Variants in PRDM1 observed in about 807,000 individuals in gnomAD.
The protein encoded by PRDM1 is PR/SET domain 1, also known as PR domain zinc finger protein 1.
In PRDM1, 13 loss-of-function variants were observed where a neutral mutation model predicts 62.8. The observed-to-expected ratio is 0.21, with a 90% CI of 0.13 to 0.33. The LOEUF (loss-of-function observed/expected upper bound fraction) is 0.33, where lower values mean the gene tolerates loss of function less well. PRDM1 is among the 10% of genes least tolerant of loss of function. The pLI is 1.00. For synonymous variants in PRDM1, 396 were observed against 417.6 expected (o/e 0.95, Z 0.63); for missense variants, 895 against 1,058.8 (o/e 0.85, Z 2.15).
rs143475302 is a variant in PRDM1, at chr6:106,105,294, C to T, written c.1134C>T (p.Asn378=). ...ACCGGGACTCCTACGCTTACTTGAA[C>T]GCGTCCTACGGCACGGAAGGTTTGG... The part of the protein sequence containing the change: ...QEHRDSYAYL[N]ASYGTEGLGS... The change falls in exon 5 of 7, where the codon AAC becomes AAT. Residue 378 remains asparagine, a synonymous_variant. Transcript: ENST00000369096. 1.4e-4 allele frequency: 228 copies of T among 1,613,546 alleles called. 1 individual carries two copies. In the African/African-American group the frequency reaches 2.1e-3, roughly 15 times the overall value.
chr6:105,994,678 G>C lies in PRDM1; in HGVS notation c.-67+1039G>C, dbSNP rs1445882809. Among the ~76,000 whole-genome samples, 2 of 152,176 alleles carry C rather than the reference G, an allele frequency of 1.3e-5. No individual in the cohort carries two copies. The highest frequency in any genetic ancestry group is 2.9e-5 in the Non-Finnish European group (2 of 68,032). On this transcript the variant is annotated intron_variant, in intron 1 of 6. Coordinates refer to the PRDM1 transcript ENST00000652320. This position sits in a 1 kb window ranked among gnomAD's most constrained non-coding sequence, Gnocchi z 4.1. ...GAGTGTCGCGGGACTCCAGAAGTGG[G>C]TTGTGCAAGACAAACTTCCAGATAA...
chr6:106,060,825 G>C (rs992551010), intron 1 of PRDM1, among the ~76,000 whole-genome samples: 7 of 152,008 alleles, frequency 4.6e-5, no homozygotes, highest in Admixed American at 2.6e-4. Context: ...GGGATAAAGG[G>C]GGAGAAAACA....
chr6:106,076,484 CTT>C (rs1773607671), intron 1 of PRDM1, among the ~76,000 whole-genome samples: 1 of 151,992 alleles, frequency 6.6e-6, no homozygotes, highest in African/African-American at 2.4e-5. Context: ...TTACATCAGT[CTT>C]TTAAAAAACA....
Position 106,105,682 on chromosome 6 carries a change from A to G in PRDM1, c.1522A>G (p.Lys508Glu). 6.2e-7 allele frequency: 1 copy of G among 1,613,482 alleles called. No individual in the cohort carries two copies. The highest frequency in any genetic ancestry group is 8.5e-7 in the Non-Finnish European group (1 of 1,179,586). Residue 508 changes from lysine to glutamate, a missense_variant, in exon 5 of 7, where the codon AAG becomes GAG. Lys to Glu is a moderately conservative substitution (Grantham distance 56, BLOSUM62 1). Transcript: ENST00000369096. ...FTGAAASMKD[K>E]ACSPTSGSPT... is the part of the protein sequence containing the mutation. ...CGGGGCCGCCGCCAGCATGAAGGAC[A>G]AGGCCTGTAGCCCCACAAGCGGGTC...
At chr6:106,029,207 C>T (rs550687519) in intron 1 of PRDM1, among the ~76,000 whole-genome samples, 1 of 152,346 alleles carries the variant, frequency 6.6e-6, no homozygotes, top group South Asian at 2.1e-4. Context: ...GCATGAGCCA[C>T]TGCACCCGGC....
chr6:106,051,459 A>ACTG (rs1773173625), intron 1 of PRDM1, among the ~76,000 whole-genome samples: 1 of 152,194 alleles, frequency 6.6e-6, no homozygotes, highest in Admixed American at 6.5e-5. Flanking sequence ...TGTTACTTAA[A>ACTG]CTGCTATTTT....
upstream of PRDM1, among the ~76,000 whole-genome samples, chr6:106,085,434 C>T (rs1041604119): frequency 1.3e-5 from 2 of 152,162 alleles, no homozygotes; most frequent in Non-Finnish European, 2.9e-5. Context: ...GGAAGTAAAG[C>T]ATCTGGTTTG....
At chr6:106,024,462 GA>G (rs1772740300) in intron 1 of PRDM1, among the ~76,000 whole-genome samples, 1 of 152,276 alleles carries the variant, frequency 6.6e-6, no homozygotes, top group East Asian at 1.9e-4. Flanking sequence ...GTGTGGTAAC[GA>G]TGACAGATTG....
intron 1 of PRDM1, among the ~76,000 whole-genome samples, chr6:106,013,762 G>A (rs867331587): frequency 6.6e-6 from 1 of 152,102 alleles, no homozygotes; most frequent in East Asian, 1.9e-4. Flanking sequence ...CTGCTTGTCC[G>A]CTTGGCTAGC....
rs1774423796 is a variant in PRDM1 at position 106,105,187 on chromosome 6, C to T, written c.1027C>T (p.Pro343Ser). Residue 343 changes from proline to serine, a missense_variant, in exon 5 of 7, where the codon CCC becomes TCC. Physicochemically the swap from Pro to Ser is moderately conservative, Grantham distance 74. This residue lies in a region of PRDM1 where 444 missense variants were observed against 422.7 expected (regional missense o/e 1.05). Coordinates refer to ENST00000369096, the MANE Select transcript of PRDM1 (RefSeq NM_001198.4). ...TTPSPSARSS[P>S]DQSLKSSSPH... ...TCCAAGCCCCTCTGCAAGAAGCAGC[C>T]CCGACCAAAGCCTCAAGAGCTCCAG... is the stretch of plus-strand genomic sequence containing the variant. The T allele has an allele frequency of 6.2e-7, 1 of 1,613,544 alleles. No individual in the cohort carries two copies. The highest frequency in any genetic ancestry group is 1.7e-5 in the Admixed American group (1 of 59,994).
At chr6:106,092,896 A>G (rs1053995676) in intron 2 of PRDM1, among the ~76,000 whole-genome samples, 2 of 152,110 alleles carry the variant, frequency 1.3e-5, no homozygotes, top group Admixed American at 6.5e-5. Flanking sequence ...AAATTTTATG[A>G]TTTTGTATCT....
upstream of PRDM1, among the ~76,000 whole-genome samples, chr6:106,043,620 G>A (rs1277720297): frequency 9.9e-5 from 15 of 151,924 alleles, no homozygotes; most frequent in Non-Finnish European, 1.6e-4. Flanking sequence ...CGCAACCTCC[G>A]CCTCTCCCGG....
intron 1 of PRDM1, among the ~76,000 whole-genome samples, chr6:106,027,087 C>T (rs976460380): frequency 6.6e-6 from 1 of 152,188 alleles, no homozygotes; most frequent in Admixed American, 6.5e-5. Flanking sequence ...CACAATATGT[C>T]CTATGTGATC....
chr6:106,014,893 T>A (rs1173109585), intron 1 of PRDM1, among the ~76,000 whole-genome samples: 1 of 152,216 alleles, frequency 6.6e-6, no homozygotes, highest in Non-Finnish European at 1.5e-5. Flanking sequence ...GGTTTTGCTT[T>A]GTCTTGCTTG....
At chr6:106,048,628 G>C (rs143121946) in exon 1 of PRDM1, among the ~76,000 whole-genome samples, 223 of 152,264 alleles carry the variant, frequency 1.5e-3, no homozygotes, top group African/African-American at 5.1e-3. Flanking sequence ...TTCAGTTAGT[G>C]AACCTGCAGT....
At chr6:106,043,571 T>A (rs1180473582), upstream of PRDM1, among the ~76,000 whole-genome samples, 1 of 152,234 alleles carries the variant, frequency 6.6e-6, no homozygotes, top group Non-Finnish European at 1.5e-5. Context: ...TTCACTCTTG[T>A]TGCCCAGGCT....
chr6:106,054,241 C>A (rs1234764270), intron 1 of PRDM1, among the ~76,000 whole-genome samples: 2 of 152,082 alleles, frequency 1.3e-5, no homozygotes, highest in Non-Finnish European at 2.9e-5. Flanking sequence ...AAGATACAAA[C>A]TCAGGTATTT....
chr6:106,004,659 T>A (rs1772463390), intron 1 of PRDM1, among the ~76,000 whole-genome samples: 1 of 152,038 alleles, frequency 6.6e-6, no homozygotes, highest in Non-Finnish European at 1.5e-5. Context: ...TATGGATTAA[T>A]TTTTTTTGAG....
chr6:106,096,006 G>T (rs539996080), intron 3 of PRDM1: 1 of 339,236 alleles, frequency 2.9e-6, no homozygotes, highest in Admixed American at 4.1e-5. Flanking sequence ...GAAACAGTTT[G>T]TTGCTTGCTT....
Sources: allele counts gnomAD v4.1 joint callset (sites outside exome capture counted in the v4.1 genomes callset), GRCh38; gene constraint gnomAD v4.1.1; regional missense constraint gnomAD v4.1.1; non-coding constraint Gnocchi (gnomAD v3.1); transcripts MANE v1.5; gene names NCBI Gene and HGNC (gene_info 2026-07-23, HGNC 2026-07-21).